Variants in ATP8B4 observed in about 807,000 individuals in gnomAD.
ATP8B4 encodes the protein ATPase phospholipid transporting 8B4 (putative).
In ATP8B4, 133 loss-of-function variants were observed where a neutral mutation model predicts 145.6. The observed-to-expected ratio is 0.91, with a 90% CI of 0.79 to 1.05. The LOEUF (loss-of-function observed/expected upper bound fraction) is 1.05, where lower values mean the gene tolerates loss of function less well. Ranked by LOEUF, ATP8B4 falls within the 50% of genes least tolerant of loss-of-function variation. The probability of loss-of-function intolerance (pLI) is 0.00; values close to 1 mark genes in which losing one functional copy is unlikely to be tolerated. For synonymous variants in ATP8B4, 507 were observed against 492.9 expected, an observed-to-expected ratio of 1.03 and a Z score of -0.38; for missense variants, 1,458 against 1,425.2, an observed-to-expected ratio of 1.02 and a Z score of -0.37.
rs189393015 is a variant in ATP8B4, at chr15:50,079,239, A to T, written c.29-5054T>A. ...GTACTCACAAAAATTAAAATAAAAAATTTTACAAAAAAGAATGTACAACAG... is the reference window on the plus strand; with the variant it reads ...GTACTCACAAAAATTAAAATAAAAATTTTTACAAAAAAGAATGTACAACAG... On this transcript the variant is annotated intron_variant, in intron 2 of 27. Transcript: ENST00000284509. Among the ~76,000 whole-genome samples the T allele has an allele frequency of 2.2e-3, 333 of 152,340 alleles. 1 individual carries two copies. Among genetic ancestry groups the T allele is most frequent in the Admixed American group, 4.4e-3 (67 of 15,296 alleles).
Position 49,860,148 on chromosome 15 carries a change from C to A in ATP8B4, c.*46G>T. ...CTCTGGAGCCAGCAGAATTTCAGCTCCACCTGAAGTGAAAAGATAACTACG... is the reference window on the plus strand; with the variant it reads ...CTCTGGAGCCAGCAGAATTTCAGCTACACCTGAAGTGAAAAGATAACTACG... On this transcript the variant is annotated 3_prime_UTR_variant, in exon 28 of 28. Coordinates refer to ENST00000284509, the MANE Select transcript of ATP8B4 (RefSeq NM_024837.4). 6.5e-7 allele frequency: 1 copy of A among 1,547,452 alleles called. No individual in the cohort carries two copies. Among genetic ancestry groups the A allele is most frequent in the Non-Finnish European group, 8.7e-7 (1 of 1,146,768 alleles).
At chr15:49,881,763 G>A (rs966208627) in intron 23 of ATP8B4, among the ~76,000 whole-genome samples, 2 of 152,064 alleles carry the variant, frequency 1.3e-5, no homozygotes, top group African/African-American at 4.8e-5. Flanking sequence ...CAGGATAGGG[G>A]GCACGTGCCA....
intron 3 of ATP8B4, among the ~76,000 whole-genome samples, chr15:50,047,773 C>CA (rs1336914861): frequency 6.6e-6 from 1 of 152,188 alleles, no homozygotes; most frequent in African/African-American, 2.4e-5. Flanking sequence ...CTACTGTATG[C>CA]AGTATTGAGT....
rs377094521 is a variant in ATP8B4 at position 49,863,210 on chromosome 15, G to C, written c.3167-835C>G. Among the ~76,000 whole-genome samples the C allele has an allele frequency of 6.6e-5, 10 of 152,274 alleles. No homozygotes were observed. In the East Asian group the frequency reaches 1.9e-3, roughly 29 times the overall value. On this transcript the variant is annotated intron_variant, in intron 26 of 27. Coordinates refer to ENST00000284509, the MANE Select transcript of ATP8B4 (RefSeq NM_024837.4). ...TTGTTATTTCTCTATTGTTCACTTG[G>C]TTATGAAGTCCTCAAAGTTCCAAGA... is the stretch of plus-strand genomic sequence containing the variant.
chr15:49,943,264 G>T (rs772591223), intron 14 of ATP8B4, among the ~76,000 whole-genome samples: 2 of 152,088 alleles, frequency 1.3e-5, no homozygotes, highest in Non-Finnish European at 2.9e-5. Flanking sequence ...CATTATGAGA[G>T]TTTGAGGACA....
intron 20 of ATP8B4, among the ~76,000 whole-genome samples, chr15:49,904,922 C>G (rs543096617): frequency 1.2e-3 from 179 of 152,278 alleles, no homozygotes; most frequent in African/African-American, 4.1e-3. Context: ...TAACAAAACA[C>G]GTGATCAATG....
chr15:49,913,645 T>G (rs1227365336), intron 20 of ATP8B4, among the ~76,000 whole-genome samples: 2 of 152,152 alleles, frequency 1.3e-5, no homozygotes, highest in African/African-American at 4.8e-5. Flanking sequence ...TCAAAAACTC[T>G]TAGAACTGAT....
intron 1 of ATP8B4, among the ~76,000 whole-genome samples, chr15:50,125,548 C>T (rs1228641662): frequency 1.3e-5 from 2 of 152,178 alleles, no homozygotes; most frequent in Non-Finnish European, 2.9e-5. Context: ...CCCAAGGTAA[C>T]TGAGACCTGG....
intron 20 of ATP8B4, among the ~76,000 whole-genome samples, chr15:49,901,564 C>T (rs1401922947): frequency 2.6e-5 from 4 of 152,060 alleles, no homozygotes; most frequent in Non-Finnish European, 5.9e-5. Context: ...ACTGTCTGAG[C>T]TTCAAGGGCT....
intron 14 of ATP8B4, among the ~76,000 whole-genome samples, chr15:49,960,868 C>T (rs2044005144): frequency 6.6e-6 from 1 of 152,210 alleles, no homozygotes; most frequent in African/African-American, 2.4e-5. Flanking sequence ...CGCAGTGGCT[C>T]ACGCCTGTAA....
At chr15:49,920,163 C>G in intron 18 of ATP8B4, 83 bp downstream of exon 18, 1 of 1,499,052 alleles carries the variant, frequency 6.7e-7, no homozygotes, top group Admixed American at 1.9e-5. Flanking sequence ...GATGACTTAG[C>G]CAATGGCTTA....
intron 1 of ATP8B4, among the ~76,000 whole-genome samples, chr15:50,174,914 C>G (rs888465379): frequency 6.6e-6 from 1 of 152,144 alleles, no homozygotes; most frequent in African/African-American, 2.4e-5. Context: ...GCTATAGTCA[C>G]CAAAACAGCA....
At chr15:49,940,553 T>C (rs978588357) in intron 14 of ATP8B4, among the ~76,000 whole-genome samples, 1 of 152,066 alleles carries the variant, frequency 6.6e-6, no homozygotes, top group African/African-American at 2.4e-5. Flanking sequence ...TAAATTGAAG[T>C]TGAAATTATA....
intron 9 of ATP8B4, among the ~76,000 whole-genome samples, chr15:49,989,828 C>A (rs1297045325): frequency 2.0e-5 from 3 of 152,172 alleles, no homozygotes; most frequent in Admixed American, 2.0e-4. Context: ...ACACACTTCC[C>A]AATTTCTTTT....
chr15:50,116,364 A>G (rs889538905), intron 1 of ATP8B4, among the ~76,000 whole-genome samples: 2 of 152,190 alleles, frequency 1.3e-5, no homozygotes, highest in East Asian at 3.8e-4. Context: ...TAGAGGTGCC[A>G]CTATGATGAT....
intron 16 of ATP8B4, among the ~76,000 whole-genome samples, chr15:49,927,778 G>C (rs1291056274): frequency 6.6e-6 from 1 of 152,116 alleles, no homozygotes; most frequent in African/African-American, 2.4e-5. Flanking sequence ...GTAAATAGAA[G>C]ATAGCTCCTG....
chr15:50,172,287 C>G (rs1035912404), intron 1 of ATP8B4, among the ~76,000 whole-genome samples: 1 of 152,254 alleles, frequency 6.6e-6, no homozygotes, highest in East Asian at 1.9e-4. Context: ...GGATTGCAGG[C>G]GTGCGCCGCC....
At chr15:50,061,152 G>A (rs2052986669) in intron 3 of ATP8B4, among the ~76,000 whole-genome samples, 1 of 151,670 alleles carries the variant, frequency 6.6e-6, no homozygotes, top group African/African-American at 2.4e-5. Context: ...ATATTTTTCT[G>A]GACTTCGTTT....
At chr15:49,897,238 TATC>T (rs2037491437) in intron 23 of ATP8B4, 51 bp downstream of exon 23, 1 of 1,483,440 alleles carries the variant, frequency 6.7e-7, no homozygotes, top group Non-Finnish European at 9.3e-7. Context: ...TCATTTGTAA[TATC>T]ATACAAAAAC....
Sources: allele counts gnomAD v4.1 joint callset (sites outside exome capture counted in the v4.1 genomes callset), GRCh38; gene constraint gnomAD v4.1.1; transcripts MANE v1.5; gene names NCBI Gene and HGNC (gene_info 2026-07-23, HGNC 2026-07-21).